The following NKAIN2 variants were observed in gnomAD, a reference collection of about 807,000 sequenced individuals.
The protein encoded by NKAIN2 is sodium/potassium transporting ATPase interacting 2, also known as sodium/potassium-transporting ATPase subunit beta-1-interacting protein 2.
A neutral mutation model predicts 32.6 loss-of-function variants in NKAIN2; 14 were observed. The ratio of observed to expected loss-of-function variants is 0.43; its 90% CI spans 0.28 to 0.67. The LOEUF is 0.67. Ranked by LOEUF, NKAIN2 falls within the 30% of genes least tolerant of loss-of-function variation. The pLI is 0.17. For synonymous variants in NKAIN2, 80 were observed against 87.2 expected (o/e 0.92, Z 0.46); for missense variants, 198 against 258.3 (o/e 0.77, Z 1.60).
chr6:123,969,619 A>G (rs1009325525), intron 1 of NKAIN2, among the ~76,000 whole-genome samples: 4 of 152,140 alleles, frequency 2.6e-5, no homozygotes, highest in Admixed American at 6.5e-5. Flanking sequence ...TTTCAAAAGG[A>G]ATGGAGAAGA....
intron 3 of NKAIN2, among the ~76,000 whole-genome samples, chr6:124,519,325 G>A (rs1195387127): frequency 1.3e-5 from 2 of 152,194 alleles, no homozygotes; most frequent in African/African-American, 4.8e-5. Context: ...TGGTCTCTCA[G>A]TAAGGTGTAG....
chr6:124,657,125 T>C (rs1562309102), intron 3 of NKAIN2, among the ~76,000 whole-genome samples: 1 of 152,194 alleles, frequency 6.6e-6, no homozygotes, highest in South Asian at 2.1e-4. Context: ...ATGTTCAATG[T>C]GAGTGTGTGG....
At chr6:124,802,210 A>T (rs975415069) in intron 5 of NKAIN2, among the ~76,000 whole-genome samples, 5 of 152,176 alleles carry the variant, frequency 3.3e-5, no homozygotes, top group Non-Finnish European at 7.3e-5. Flanking sequence ...ATTTCCCTAA[A>T]TATGCATATG....
chr6:123,999,267 A>G (rs555087146), intron 1 of NKAIN2, among the ~76,000 whole-genome samples: 2 of 152,262 alleles, frequency 1.3e-5, no homozygotes, highest in South Asian at 4.1e-4. Flanking sequence ...AGATCCTGAC[A>G]TTATATTCTA....
intron 1 of NKAIN2, among the ~76,000 whole-genome samples, chr6:124,228,673 C>T (rs1792251342): frequency 6.6e-6 from 1 of 152,102 alleles, no homozygotes; most frequent in Admixed American, 6.6e-5. Context: ...ATGCTGAGGT[C>T]CTTTGTAAGC....
intron 3 of NKAIN2, among the ~76,000 whole-genome samples, chr6:124,528,972 A>G (rs1779419924): frequency 6.6e-6 from 1 of 152,206 alleles, no homozygotes; most frequent in African/African-American, 2.4e-5. Flanking sequence ...AGCTTCTTTG[A>G]ATTTTAAGGT....
At chr6:124,415,129 A>G (rs926234306) in intron 3 of NKAIN2, among the ~76,000 whole-genome samples, 32 of 152,148 alleles carry the variant, frequency 2.1e-4, no homozygotes, top group Non-Finnish European at 3.8e-4. Flanking sequence ...ATTTAGTTCA[A>G]TCCAGACACT....
rs994878159 is a variant in NKAIN2, at chr6:124,825,082, G to A, written c.*1853G>A. ...ATAGTGACATGCATGTTTAATGTAT[G>A]AGAAAAATATTTACCAATGTATTGT... On this transcript the variant is annotated 3_prime_UTR_variant, in exon 7 of 7. Coordinates refer to ENST00000368417, the MANE Select transcript of NKAIN2 (RefSeq NM_001040214.3). 1 of 152,562 alleles carries A rather than the reference G, an allele frequency of 6.6e-6. No individual in the cohort carries two copies. 9.5% of individuals were successfully genotyped at this position (152,562 alleles called of 1,614,324 possible).
At chr6:123,977,344 G>C (rs1224991245) in intron 1 of NKAIN2, among the ~76,000 whole-genome samples, 2 of 152,146 alleles carry the variant, frequency 1.3e-5, no homozygotes, top group African/African-American at 2.4e-5. Flanking sequence ...ACAGGAATTT[G>C]AGGCTTCAGT....
At chr6:124,577,877 G>T (rs917464564) in intron 3 of NKAIN2, among the ~76,000 whole-genome samples, 1 of 152,148 alleles carries the variant, frequency 6.6e-6, no homozygotes, top group Admixed American at 6.5e-5. Context: ...CTCAGCCACA[G>T]TAGGACAGAG....
intron 1 of NKAIN2, among the ~76,000 whole-genome samples, chr6:124,217,595 A>G (rs958697816): frequency 2.6e-5 from 4 of 152,122 alleles, no homozygotes; most frequent in African/African-American, 9.7e-5. Context: ...ACCTAAAGGT[A>G]TTTTAAACAT....
chr6:124,631,651 C>T (rs192686477), intron 3 of NKAIN2, among the ~76,000 whole-genome samples: 2 of 152,164 alleles, frequency 1.3e-5, no homozygotes, highest in East Asian at 1.9e-4. Context: ...TCTGACTTAC[C>T]GTCCAGATAA....
intron 1 of NKAIN2, among the ~76,000 whole-genome samples, chr6:123,922,390 T>C (rs1255681624): frequency 3.5e-4 from 53 of 152,214 alleles, no homozygotes. Context: ...ATGTTTTACA[T>C]ATGAAAATTC....
intron 1 of NKAIN2, among the ~76,000 whole-genome samples, chr6:124,225,021 A>G (rs527623460): frequency 6.6e-6 from 1 of 152,184 alleles, no homozygotes; most frequent in Admixed American, 6.5e-5. Context: ...AGGTTAAGAT[A>G]CATATCCTGT....
chr6:123,884,679 A>G (rs1198013072), intron 1 of NKAIN2, among the ~76,000 whole-genome samples: 3 of 152,090 alleles, frequency 2.0e-5, no homozygotes, highest in African/African-American at 7.2e-5. Context: ...TTAGGTTAAC[A>G]GTTTACAGAC....
intron 4 of NKAIN2, among the ~76,000 whole-genome samples, chr6:124,779,313 AG>A (rs1779144197): frequency 5.3e-5 from 3 of 56,942 alleles, no homozygotes; most frequent in Non-Finnish European, 9.3e-5. Flanking sequence ...GGAGGGAGGG[AG>A]GGAGGGAAGG....
intron 1 of NKAIN2, among the ~76,000 whole-genome samples, chr6:124,152,777 T>C (rs1043479755): frequency 3.3e-5 from 5 of 151,904 alleles, no homozygotes; most frequent in Admixed American, 2.0e-4. Flanking sequence ...AGTGGATGAA[T>C]GGAAATAGAA....
At chr6:124,205,013 T>G (rs529752407) in intron 1 of NKAIN2, among the ~76,000 whole-genome samples, 1 of 151,810 alleles carries the variant, frequency 6.6e-6, no homozygotes, top group Non-Finnish European at 1.5e-5. Flanking sequence ...TATCAAATTT[T>G]AAACTTTATT....
chr6:124,691,008 G>GGAATGAAGGAGGAAGGAGGGGGAAAAACA (rs1774230860), intron 4 of NKAIN2, among the ~76,000 whole-genome samples: 3 of 152,166 alleles, frequency 2.0e-5, no homozygotes, highest in Non-Finnish European at 4.4e-5. Flanking sequence ...TAGGAAGGAA[G>GGAATGAAGGAGGAAGGAGGGGGAAAAACA]GAATGAAGGA....
Sources: gnomAD v4.1 joint callset for allele counts (sites outside exome capture counted in the v4.1 genomes callset) on GRCh38, gnomAD v4.1.1 for gene constraint, MANE v1.5 for transcripts, NCBI Gene and HGNC (gene_info 2026-07-23, HGNC 2026-07-21) for gene names.